Variants in LMCD1 observed in about 807,000 individuals in gnomAD.
LMCD1 encodes LIM and cysteine-rich domains protein 1.
LMCD1 carries 32 observed loss-of-function variants against 42.7 expected under a neutral mutation model. That is an observed-to-expected ratio of 0.75 (90% CI 0.57 to 1.01). The LOEUF (loss-of-function observed/expected upper bound fraction) is 1.01, where lower values mean the gene tolerates loss of function less well. Ranked by LOEUF, LMCD1 falls within the 50% of genes least tolerant of loss-of-function variation. The pLI, the probability that LMCD1 is intolerant of heterozygous loss-of-function variation, is 0.00. For synonymous variants in LMCD1, 178 were observed against 184.9 expected, an observed-to-expected ratio of 0.96 and a Z score of 0.30; for missense variants, 458 against 483.1, an observed-to-expected ratio of 0.95 and a Z score of 0.49.
At chr3:8,532,270 AT>A (rs1392190193) in intron 1 of LMCD1, among the ~76,000 whole-genome samples, 1 of 152,232 alleles carries the variant, frequency 6.6e-6, no homozygotes, top group Non-Finnish European at 1.5e-5. Flanking sequence ...AGCTATAAAC[AT>A]TTGGCAAAAT....
chr3:8,554,745 A>G (rs1472581037), intron 4 of LMCD1, among the ~76,000 whole-genome samples: 1 of 152,196 alleles, frequency 6.6e-6, no homozygotes, highest in South Asian at 2.1e-4. Flanking sequence ...AGCTCCACCA[A>G]GCCATTGCCT....
intron 1 of LMCD1, among the ~76,000 whole-genome samples, chr3:8,506,541 A>T (rs1693885832): frequency 6.6e-6 from 1 of 152,198 alleles, no homozygotes; most frequent in Admixed American, 6.5e-5. Flanking sequence ...TTCCTCTCGC[A>T]ACTCACTAGA....
Position 8,530,400 on chromosome 3 carries a change from C to T in LMCD1, c.43-2337C>T, listed in dbSNP as rs544443962. On this transcript the variant is annotated intron_variant, in intron 1 of 5. Transcript: ENST00000157600. ...CCCCGCATCACCGGCGAGTGCTCTG[C>T]TCTGCTCTGCTGTGCTACCTACATC... 1.3e-3 allele frequency among the ~76,000 whole-genome samples: 196 copies of T among 152,362 alleles called. 1 individual carries two copies. Among genetic ancestry groups the T allele is most frequent in the Admixed American group, 4.2e-3 (65 of 15,304 alleles).
chr3:8,504,696 C>T (rs2125007850), intron 1 of LMCD1, among the ~76,000 whole-genome samples: 1 of 152,310 alleles, frequency 6.6e-6, no homozygotes, highest in South Asian at 2.1e-4. Flanking sequence ...AAAATGCTTC[C>T]ACCGGCTGCT....
chr3:8,512,868 C>T (rs981178333), intron 1 of LMCD1, among the ~76,000 whole-genome samples: 1 of 152,174 alleles, frequency 6.6e-6, no homozygotes, highest in Non-Finnish European at 1.5e-5. Context: ...AGATGACTTG[C>T]TTGAGGTCAC....
intron 1 of LMCD1, among the ~76,000 whole-genome samples, chr3:8,520,269 T>C (rs1694178794): frequency 6.6e-6 from 1 of 152,116 alleles, no homozygotes; most frequent in South Asian, 2.1e-4. Context: ...CAGGATGACA[T>C]TCTTAAGACA....
intron 1 of LMCD1, among the ~76,000 whole-genome samples, chr3:8,519,208 C>A (rs1443907227): frequency 6.6e-6 from 1 of 152,058 alleles, no homozygotes; most frequent in Non-Finnish European, 1.5e-5. Context: ...ATGGTAGATA[C>A]TACAAAATAC....
chr3:8,528,388 G>A (rs1430853949), intron 1 of LMCD1, among the ~76,000 whole-genome samples: 1 of 151,984 alleles, frequency 6.6e-6, no homozygotes, highest in Non-Finnish European at 1.5e-5. Flanking sequence ...AGGGATTGGG[G>A]TCTCACTATG....
intron 3 of LMCD1, among the ~76,000 whole-genome samples, chr3:8,543,397 TGATA>T (rs57434919): frequency 0.12 from 10,755 of 92,720 alleles, 406 homozygotes; most frequent in Middle Eastern, 0.17. Context: ...GATAGATAGA[TGATA>T]GATAGATAGA....
At chr3:8,556,169 AT>A (rs1694930800) in intron 4 of LMCD1, among the ~76,000 whole-genome samples, 1 of 152,138 alleles carries the variant, frequency 6.6e-6, no homozygotes, top group Non-Finnish European at 1.5e-5. Flanking sequence ...TTTGCATGTT[AT>A]TTTACTTAAT....
chr3:8,535,523 CA>C, intron 2 of LMCD1, among the ~76,000 whole-genome samples: 1 of 152,242 alleles, frequency 6.6e-6, no homozygotes, highest in South Asian at 2.1e-4. Flanking sequence ...GTATCAAAGT[CA>C]AAGGAGTAGC....
rs566407123 is a variant in LMCD1 at position 8,528,910 on chromosome 3, C to T, written c.43-3827C>T. 3.9e-5 allele frequency among the ~76,000 whole-genome samples: 6 copies of T among 152,244 alleles called. No individual in the cohort carries two copies. The South Asian group carries it at 6.2e-4, about 16-fold the overall frequency. ...AAGTCCCTGCCACCATTCAGTTTCA[C>T]GATAATATCAAATGAACCACATCCT... On this transcript the variant is annotated intron_variant, in intron 1 of 5. Transcript: ENST00000157600.
chr3:8,543,284 T>C (rs1694663542), intron 3 of LMCD1, among the ~76,000 whole-genome samples: 1 of 152,234 alleles, frequency 6.6e-6, no homozygotes, highest in South Asian at 2.1e-4. Flanking sequence ...TCTCTGATGG[T>C]CACATCCTCT....
At chr3:8,565,338 C>A in intron 4 of LMCD1, 94 bp from the exon 5 acceptor site, 1 of 1,116,096 alleles carries the variant, frequency 9.0e-7, no homozygotes, top group Non-Finnish European at 1.4e-6. Context: ...CCAAGGTCAC[C>A]CAGGAAGTAG....
At position 8,572,507 on chromosome 3, in the gene LMCD1, A is replaced by G. The variant is rs953921870; in HGVS notation, c.*4909A>G. On this transcript the variant is annotated 3_prime_UTR_variant, in exon 6 of 6. Transcript: ENST00000157600. ...GTATTCATTGACGTTTACTGATCGA[A>G]CTAATTATTATTATGATAGTTGCCA... 1 of 152,202 alleles carries G rather than the reference A, an allele frequency of 6.6e-6. No individual in the cohort carries two copies. The highest frequency in any genetic ancestry group is 1.5e-5 in the Non-Finnish European group (1 of 68,042). 9.4% of individuals were successfully genotyped at this position (152,202 alleles called of 1,614,324 possible).
chr3:8,532,847 G>C (rs755673019), intron 2 of LMCD1, 22 bp downstream of exon 2: 2 of 1,595,068 alleles, frequency 1.3e-6, no homozygotes, highest in East Asian at 2.2e-5. Flanking sequence ...TGTCAGGAGG[G>C]TCCCTGTCTG....
intron 2 of LMCD1, among the ~76,000 whole-genome samples, chr3:8,533,820 C>T (rs890449767): frequency 6.6e-6 from 1 of 152,060 alleles, no homozygotes; most frequent in Admixed American, 6.5e-5. Context: ...CAATCCCATG[C>T]TCCTAATCGT....
chr3:8,516,891 T>C (rs145707788), intron 1 of LMCD1, among the ~76,000 whole-genome samples: 2 of 152,318 alleles, frequency 1.3e-5, no homozygotes, highest in African/African-American at 4.8e-5. Context: ...GTACCTTTGA[T>C]GTGTGAAGAT....
In LMCD1 at chr3:8,501,889, T is replaced by C; in HGVS notation, c.-50T>C. 6.4e-7 allele frequency: 1 copy of C among 1,555,040 alleles called. No homozygotes were observed. Among genetic ancestry groups the C allele is most frequent in the Non-Finnish European group, 8.7e-7 (1 of 1,148,030 alleles). On this transcript the variant is annotated 5_prime_UTR_variant, in exon 1 of 6. Coordinates refer to ENST00000157600, the MANE Select transcript of LMCD1 (RefSeq NM_014583.4). ...CCGCCGCTGTCCCCGCTGCGCGCCC[T>C]CGCGCCTCTGCCTGAGAAGCCAGGC... is the stretch of plus-strand genomic sequence containing the variant.
Sources: allele counts gnomAD v4.1 joint callset (sites outside exome capture counted in the v4.1 genomes callset), GRCh38; gene constraint gnomAD v4.1.1; transcripts MANE v1.5; gene names NCBI Gene and HGNC (gene_info 2026-07-23, HGNC 2026-07-21).